The following SNAPC3 variants were observed in gnomAD, a reference collection of about 807,000 sequenced individuals.
SNAPC3 encodes small nuclear RNA activating complex polypeptide 3.
Under a neutral mutation model 47.7 loss-of-function variants are expected in SNAPC3, and 56 were observed. The observed-to-expected ratio is 1.18, with a 90% CI of 0.95 to 1.47. The LOEUF (loss-of-function observed/expected upper bound fraction) is 1.47, where lower values mean the gene tolerates loss of function less well. SNAPC3 is among the 40% of genes most tolerant of loss of function. The pLI, the probability that SNAPC3 is intolerant of heterozygous loss-of-function variation, is 0.00. For missense variants in SNAPC3, 665 were observed against 511.3 expected (o/e 1.30, Z -2.90); for synonymous variants, 235 against 189.9 (o/e 1.24, Z -1.95).
intron 3 of SNAPC3, 131 bp from the exon 4 acceptor site, chr9:15,444,469 AGT>A: frequency 1.7e-6 from 1 of 595,106 alleles, no homozygotes; most frequent in Non-Finnish European, 3.0e-6. Flanking sequence ...ATGTCTTAAC[AGT>A]TTTCCCAGAG....
chr9:15,438,704 A>C (rs934056538), intron 3 of SNAPC3, among the ~76,000 whole-genome samples: 2 of 152,110 alleles, frequency 1.3e-5, no homozygotes, highest in African/African-American at 2.4e-5. Flanking sequence ...ATTGATTTCT[A>C]ATATTCACTT....
intron 2 of SNAPC3, among the ~76,000 whole-genome samples, chr9:15,424,779 T>G (rs1409108788): frequency 6.6e-6 from 1 of 152,250 alleles, no homozygotes; most frequent in South Asian, 2.1e-4. Flanking sequence ...TATTTCATAC[T>G]ACCTCAGCTA....
chr9:15,423,155 C>A lies in SNAPC3; in HGVS notation c.276C>A (p.Cys92Ter). The A allele has an allele frequency of 6.4e-7, 1 of 1,573,974 alleles. No individual in the cohort carries two copies. The highest frequency in any genetic ancestry group is 8.6e-7 in the Non-Finnish European group (1 of 1,169,168). The change falls in exon 1 of 9, where the codon TGC (cysteine) becomes TGA (stop). Residue 92 changes from cysteine (C) to a stop codon, truncating the protein, a stop_gained. Transcript: ENST00000380821. LOFTEE classifies it high-confidence loss of function. ...CCGCGGTGGCCAGGGATCTGGACTG[C>A]AGCCTGGAGGCGGCGGCTGAGCTGA... ...EDAAVARDLD[C>*]SLEAAAELRA...
chr9:15,462,410 G>C (rs2035281301), downstream of SNAPC3: 1 of 152,168 alleles, frequency 6.6e-6, no homozygotes, highest in Non-Finnish European at 1.5e-5. Flanking sequence ...CAAGTCAAAA[G>C]AAATTCCTAA....
chr9:15,442,850 G>T (rs1185132686), intron 3 of SNAPC3, among the ~76,000 whole-genome samples: 1 of 152,186 alleles, frequency 6.6e-6, no homozygotes, highest in African/African-American at 2.4e-5. Context: ...AGCAAGCCGA[G>T]ATCACGCCAC....
chr9:15,456,144 G>C (rs1031768210), intron 7 of SNAPC3, among the ~76,000 whole-genome samples: 5 of 152,338 alleles, frequency 3.3e-5, no homozygotes, highest in African/African-American at 1.2e-4. Flanking sequence ...AAAGTGCTGG[G>C]ATTACAGGCG....
intron 3 of SNAPC3, among the ~76,000 whole-genome samples, chr9:15,442,775 C>G (rs915339449): frequency 6.6e-6 from 1 of 152,186 alleles, no homozygotes; most frequent in Non-Finnish European, 1.5e-5. Context: ...GGGTGGCGGC[C>G]GGGTACAGGC....
chr9:15,459,103 C>A (rs978926276), intron 8 of SNAPC3, among the ~76,000 whole-genome samples: 4 of 152,102 alleles, frequency 2.6e-5, no homozygotes, highest in African/African-American at 9.7e-5. Context: ...CATGATAAAT[C>A]AAAGTGAAAA....
At chr9:15,440,248 C>T (rs2033203626) in intron 3 of SNAPC3, among the ~76,000 whole-genome samples, 2 of 152,118 alleles carry the variant, frequency 1.3e-5, no homozygotes, top group African/African-American at 4.8e-5. Flanking sequence ...TCTATATTTA[C>T]CTGTGTTGTT....
intron 4 of SNAPC3, among the ~76,000 whole-genome samples, chr9:15,446,004 A>T (rs1166468768): frequency 6.6e-6 from 1 of 152,202 alleles, no homozygotes; most frequent in African/African-American, 2.4e-5. Flanking sequence ...AAACCAAAGT[A>T]TGAATCTGGG....
chr9:15,453,242 T>A, intron 7 of SNAPC3, 37 bp downstream of exon 7: 1 of 1,498,622 alleles, frequency 6.7e-7, no homozygotes, highest in South Asian at 1.3e-5. Context: ...GTTACCTTTT[T>A]TTTTCTTTAT....
intron 7 of SNAPC3, 32 bp downstream of exon 7, chr9:15,453,237 CT>C (rs759781006): frequency 9.5e-5 from 140 of 1,472,642 alleles, no homozygotes; most frequent in South Asian, 2.0e-4. Context: ...ATTTTGTTAC[CT>C]TTTTTTTTCT....
At chr9:15,431,300 T>C (rs943742152) in intron 2 of SNAPC3, among the ~76,000 whole-genome samples, 3 of 152,222 alleles carry the variant, frequency 2.0e-5, no homozygotes, top group African/African-American at 7.2e-5. Context: ...TCTGGATCTC[T>C]GTCCAGGAAG....
In SNAPC3 at chr9:15,447,250, G is replaced by A. The variant is rs1387858687; in HGVS notation, c.732+6G>A. On this transcript the variant is annotated splice_donor_region_variant and intron_variant, in intron 5 of 8. Transcript: ENST00000380821. ...CCCCTGAGCACATCAGCAAAGTAAGGTGATTTCCTCCCATAAAACAAAAGG... is the reference window on the plus strand; with the variant it reads ...CCCCTGAGCACATCAGCAAAGTAAGATGATTTCCTCCCATAAAACAAAAGG... 2 of 1,613,370 alleles carry A rather than the reference G, an allele frequency of 1.2e-6. No homozygotes were observed. The highest frequency in any genetic ancestry group is 3.3e-5 in the Admixed American group (2 of 59,958).
At chr9:15,439,581 C>G (rs1225516615) in intron 3 of SNAPC3, among the ~76,000 whole-genome samples, 1 of 152,126 alleles carries the variant, frequency 6.6e-6, no homozygotes, top group Non-Finnish European at 1.5e-5. Flanking sequence ...GTCACCCAGG[C>G]TGGAGTGCAG....
At position 15,445,044 on chromosome 9, in the gene SNAPC3, T is replaced by G. The variant is rs567137798; in HGVS notation, c.582+338T>G. 1.7e-4 allele frequency among the ~76,000 whole-genome samples: 26 copies of G among 152,282 alleles called. No homozygotes were observed. In the South Asian group the frequency reaches 5.4e-3, roughly 32 times the overall value. ...GGAATTCAAGGTTGTAAGCGAGCTA[T>G]GATTGCACCACTGAACTCCAGCCTA... On this transcript the variant is annotated intron_variant, in intron 4 of 8. Coordinates refer to ENST00000380821, the MANE Select transcript of SNAPC3 (RefSeq NM_001039697.2).
chr9:15,427,883 G>C (rs980984789), intron 2 of SNAPC3, among the ~76,000 whole-genome samples: 1 of 152,002 alleles, frequency 6.6e-6, no homozygotes, highest in Non-Finnish European at 1.5e-5. Context: ...ACTTAAACAG[G>C]GTGGAGTGCT....
At chr9:15,443,364 G>C (rs1402526900) in intron 3 of SNAPC3, among the ~76,000 whole-genome samples, 1 of 152,132 alleles carries the variant, frequency 6.6e-6, no homozygotes, top group Admixed American at 6.5e-5. Flanking sequence ...CCTAAGAGTT[G>C]TCCATACTTT....
intron 7 of SNAPC3, among the ~76,000 whole-genome samples, chr9:15,455,077 C>T (rs1294329749): frequency 1.3e-5 from 2 of 152,206 alleles, no homozygotes; most frequent in Admixed American, 1.3e-4. Flanking sequence ...AATTAAATAT[C>T]TGTTTAACCA....
Sources: gnomAD v4.1 joint callset for allele counts (sites outside exome capture counted in the v4.1 genomes callset) on GRCh38, gnomAD v4.1.1 for gene constraint, MANE v1.5 for transcripts, NCBI Gene and HGNC (gene_info 2026-07-23, HGNC 2026-07-21) for gene names.